The following RCBTB1 variants were observed in gnomAD, a reference collection of about 807,000 sequenced individuals.
RCBTB1 encodes RCC1 and BTB domain containing protein 1, also known as RCC1 and BTB domain-containing protein 1.
In RCBTB1, 46 loss-of-function variants were observed where a neutral mutation model predicts 62.4. That is an observed-to-expected ratio of 0.74 (90% CI 0.58 to 0.94). RCBTB1 has a LOEUF of 0.94. Among genes scored for constraint, RCBTB1 ranks in the 40% least tolerant of loss-of-function variants. The probability of loss-of-function intolerance (pLI) is 0.00; values close to 1 mark genes in which losing one functional copy is unlikely to be tolerated. For synonymous variants in RCBTB1, 222 were observed against 245.8 expected, an observed-to-expected ratio of 0.90 and a Z score of 0.91; for missense variants, 565 against 654.9, an observed-to-expected ratio of 0.86 and a Z score of 1.50.
Position 49,559,962 on chromosome 13 carries a change from C to A in RCBTB1, c.400G>T (p.Ala134Ser). ...GCCATTGAATGATGTGAGCCACAAGCTACTTCCACCACTTGCTTGATCAAG... is the reference window on the plus strand; with the variant it reads ...GCCATTGAATGATGTGAGCCACAAGATACTTCCACCACTTGCTTGATCAAG... Reference protein sequence around the residue: ...NLLIKQVVEVACGSHHSMALA... With the variant: ...NLLIKQVVEVSCGSHHSMALA... Residue 134 changes from alanine to serine, a missense_variant, in exon 5 of 13, where the codon GCT (alanine) becomes TCT (serine). Coordinates refer to ENST00000378302, the MANE Select transcript of RCBTB1 (RefSeq NM_018191.4). The A allele has an allele frequency of 6.2e-7, 1 of 1,614,158 alleles. No individual in the cohort carries two copies. The highest frequency in any genetic ancestry group is 1.1e-5 in the South Asian group (1 of 91,084).
chr13:49,569,329 T>C (rs1462206663), intron 2 of RCBTB1, among the ~76,000 whole-genome samples: 2 of 152,152 alleles, frequency 1.3e-5, no homozygotes, highest in Non-Finnish European at 2.9e-5. Context: ...ATCCTAGCAC[T>C]ATGGGAGCCC....
At chr13:49,565,584 G>A (rs1328298986) in intron 4 of RCBTB1, among the ~76,000 whole-genome samples, 8 of 113,672 alleles carry the variant, frequency 7.0e-5, no homozygotes, top group South Asian at 3.3e-4. Context: ...GTCTCTGCCC[G>A]GCCGCCCATC....
At chr13:49,578,755 G>A (rs1431616136) in intron 2 of RCBTB1, among the ~76,000 whole-genome samples, 1 of 152,180 alleles carries the variant, frequency 6.6e-6, no homozygotes, top group East Asian at 1.9e-4. Context: ...ATGATAAAAT[G>A]TGAGCCTTTC....
chr13:49,566,227 C>T lies in RCBTB1; in HGVS notation c.277+391G>A, dbSNP rs535264795. 2.3e-3 allele frequency among the ~76,000 whole-genome samples: 347 copies of T among 150,720 alleles called. 1 individual carries two copies. Among genetic ancestry groups the T allele is most frequent in the Non-Finnish European group, 3.6e-3 (245 of 67,822 alleles). ...TTGTCCTATGACCCTGCCAAATCCC[C>T]CTATGCGAGAAACACCCAAGAATGA... On this transcript the variant is annotated intron_variant, in intron 4 of 12. Transcript: ENST00000378302.
chr13:49,532,629 G>C lies in RCBTB1; in HGVS notation c.*1493C>G, dbSNP rs1480472826. 1.3e-5 allele frequency: 2 copies of C among 152,172 alleles called. No individual in the cohort carries two copies. The highest frequency in any genetic ancestry group is 2.4e-5 in the African/African-American group (1 of 41,392). The allele number at this position is 152,172 out of a possible 1,614,324, so 9.4% of individuals were successfully genotyped here. ...GGCTCCTAGGCTTGTATCTATTTCAGCTATCAGTGAATTCCTATCTTTAGG... is the reference window on the plus strand; with the variant it reads ...GGCTCCTAGGCTTGTATCTATTTCACCTATCAGTGAATTCCTATCTTTAGG... On this transcript the variant is annotated 3_prime_UTR_variant, in exon 13 of 13. Coordinates refer to ENST00000378302, the MANE Select transcript of RCBTB1 (RefSeq NM_018191.4).
chr13:49,560,479 A>T (rs1962348000), intron 4 of RCBTB1, among the ~76,000 whole-genome samples: 1 of 152,196 alleles, frequency 6.6e-6, no homozygotes, highest in Non-Finnish European at 1.5e-5. Flanking sequence ...AGTCACGGGG[A>T]ACCCACAGGG....
intron 1 of RCBTB1, among the ~76,000 whole-genome samples, chr13:49,584,449 G>A (rs553717779): frequency 6.6e-6 from 1 of 152,132 alleles, no homozygotes; most frequent in Non-Finnish European, 1.5e-5. Context: ...TTACATCCTC[G>A]ACCCTGAAAG....
intron 2 of RCBTB1, among the ~76,000 whole-genome samples, chr13:49,577,000 T>C (rs930617898): frequency 2.6e-5 from 4 of 152,236 alleles, no homozygotes; most frequent in Non-Finnish European, 5.9e-5. Flanking sequence ...AAATACATCC[T>C]GTATCCCCAC....
At chr13:49,552,764 G>A (rs963570787) in intron 6 of RCBTB1, among the ~76,000 whole-genome samples, 1 of 152,004 alleles carries the variant, frequency 6.6e-6, no homozygotes, top group African/African-American at 2.4e-5. Context: ...GTGGAGATTG[G>A]AGCAGAGCTG....
chr13:49,534,902 T>C (rs1056681935), intron 12 of RCBTB1, among the ~76,000 whole-genome samples: 1 of 151,922 alleles, frequency 6.6e-6, no homozygotes, highest in African/African-American at 2.4e-5. Context: ...GGCGTGGTGG[T>C]GGATGCCTGT....
chr13:49,582,026 G>A (rs1430958181), intron 1 of RCBTB1, among the ~76,000 whole-genome samples: 1 of 152,280 alleles, frequency 6.6e-6, no homozygotes, highest in Non-Finnish European at 1.5e-5. Context: ...CACAGAATGT[G>A]ATAGAGTTGC....
At chr13:49,571,708 G>C (rs1415365774) in intron 2 of RCBTB1, among the ~76,000 whole-genome samples, 1 of 152,148 alleles carries the variant, frequency 6.6e-6, no homozygotes, top group East Asian at 1.9e-4. Flanking sequence ...TGGGCGCGTG[G>C]CATTTCCCTC....
intron 1 of RCBTB1, among the ~76,000 whole-genome samples, chr13:49,581,167 G>A (rs1318555694): frequency 6.6e-6 from 1 of 152,068 alleles, no homozygotes; most frequent in Non-Finnish European, 1.5e-5. Flanking sequence ...GTCTATGAAA[G>A]ATTACTTTGG....
intron 9 of RCBTB1, chr13:49,546,953 T>C: frequency 1.0e-6 from 1 of 985,320 alleles, no homozygotes; most frequent in Non-Finnish European, 1.2e-6. Flanking sequence ...TTTCCAAACT[T>C]AACATTTAAA....
intron 9 of RCBTB1, among the ~76,000 whole-genome samples, chr13:49,549,205 A>G (rs1697262973): frequency 6.6e-6 from 1 of 151,444 alleles, no homozygotes; most frequent in African/African-American, 2.4e-5. Context: ...ACCCTTTACA[A>G]TGGTTAATTG....
intron 9 of RCBTB1, among the ~76,000 whole-genome samples, chr13:49,547,870 C>G (rs1960942153): frequency 6.6e-6 from 1 of 152,092 alleles, no homozygotes; most frequent in Admixed American, 6.5e-5. Context: ...TTCACTGCAG[C>G]CTTGACCTCC....
intron 6 of RCBTB1, among the ~76,000 whole-genome samples, 155 bp downstream of exon 6, chr13:49,555,360 C>A (rs1473423338): frequency 6.6e-6 from 1 of 152,160 alleles, no homozygotes; most frequent in Non-Finnish European, 1.5e-5. Context: ...GAGCAAAAAA[C>A]CTCCAGCTCC....
rs142239846 is a variant in RCBTB1, at chr13:49,584,076, T to C, written c.-122+1368A>G. Among the ~76,000 whole-genome samples the C allele has an allele frequency of 6.6e-5, 10 of 152,306 alleles. 1 individual carries two copies. In the East Asian group the frequency reaches 1.9e-3, roughly 29 times the overall value. Reference sequence around the variant, plus strand: ...CTCCCAGGAAAAGGAGGGTACTGTTTCAGACTTCCCAGCTCCCGTATATTA... The same window carrying C: ...CTCCCAGGAAAAGGAGGGTACTGTTCCAGACTTCCCAGCTCCCGTATATTA... On this transcript the variant is annotated intron_variant, in intron 1 of 12. Transcript: ENST00000378302.
In RCBTB1 at chr13:49,546,437, T is replaced by C. The variant is rs1017222331; in HGVS notation, c.1046-1574A>G. On this transcript the variant is annotated intron_variant, in intron 9 of 12. Coordinates refer to ENST00000378302, the MANE Select transcript of RCBTB1 (RefSeq NM_018191.4). Reference sequence around the variant, plus strand: ...GGGACCAGTTTTGTGGAAGACAATTTTTCCACGGACCGAGGCGGGGAGGAG... The same window carrying C: ...GGGACCAGTTTTGTGGAAGACAATTCTTCCACGGACCGAGGCGGGGAGGAG... 1.1e-5 allele frequency: 8 copies of C among 735,696 alleles called. No individual in the cohort carries two copies. In the African/African-American group the frequency reaches 1.5e-4, roughly 14 times the overall value. 45.6% of individuals were successfully genotyped at this position (735,696 alleles called of 1,614,324 possible).
Sources: allele counts gnomAD v4.1 joint callset (sites outside exome capture counted in the v4.1 genomes callset), GRCh38; gene constraint gnomAD v4.1.1; transcripts MANE v1.5; gene names NCBI Gene and HGNC (gene_info 2026-07-23, HGNC 2026-07-21).